The following TMSB15B variants were observed in gnomAD, a reference collection of about 807,000 sequenced individuals.
TMSB15B encodes the protein thymosin beta-15B.
intron 1 of TMSB15B, among the ~76,000 whole-genome samples, chrX:103,939,506 A>C (rs1370677826): frequency 2.0e-4 from 22 of 110,370 alleles, no homozygotes; most frequent in Non-Finnish European, 9.4e-5. Context: ...AAGCTCCATC[A>C]GGTCATTTAT....
At chrX:103,934,268 A>G (rs1360863391) in intron 1 of TMSB15B, among the ~76,000 whole-genome samples, 2 of 110,309 alleles carry the variant, frequency 1.8e-5, no homozygotes, top group Non-Finnish European at 3.8e-5. Flanking sequence ...GGATTATTTC[A>G]CTTCACATTT....
chrX:103,940,616 G>A (rs1354593273), intron 1 of TMSB15B, among the ~76,000 whole-genome samples: 1 of 111,287 alleles, frequency 9.0e-6, no homozygotes, highest in Non-Finnish European at 1.9e-5. Context: ...GGGATCCGCT[G>A]AGCAAGACCA....
At chrX:103,929,161 T>C in intron 1 of TMSB15B, 1 of 423,841 alleles carries the variant, frequency 2.4e-6, no homozygotes, top group Non-Finnish European at 3.9e-6. Flanking sequence ...AGTTCCCAAC[T>C]ACCAACCTGT....
rs1569448700 is a variant in TMSB15B at position 103,940,249 on chromosome X, C to T, written c.-721+20957C>T. Among the ~76,000 whole-genome samples, 4 of 112,254 alleles carry T rather than the reference C, an allele frequency of 3.6e-5. No individual in the cohort carries two copies. The Admixed American group carries it at 3.8e-4, about 11-fold the overall frequency. On this transcript the variant is annotated intron_variant, in intron 1 of 3. Transcript: ENST00000419165. ...GGAATGTTAAAGTCTGCTGAAACTG[C>T]GCCCACAGCCGCCCCTTCTCCCAGG...
chrX:103,920,421 G>C (rs5945722), intron 1 of TMSB15B, among the ~76,000 whole-genome samples: 35,877 of 111,211 alleles, frequency 0.32, 5,109 homozygotes, highest in Middle Eastern at 0.55. Flanking sequence ...GGTGTAGAGA[G>C]ATTCGTGAAC....
intron 1 of TMSB15B, among the ~76,000 whole-genome samples, chrX:103,923,625 G>A (rs1219773626): frequency 8.9e-6 from 1 of 111,857 alleles, no homozygotes; most frequent in Non-Finnish European, 1.9e-5. Flanking sequence ...ATAGTTTGAA[G>A]TCAGGTAGCG....
chrX:103,926,080 G>A (rs1342520277), intron 1 of TMSB15B, among the ~76,000 whole-genome samples: 1 of 110,780 alleles, frequency 9.0e-6, no homozygotes, highest in Non-Finnish European at 1.9e-5. Context: ...TGGGCCTCTT[G>A]AGCTTTTACT....
intron 1 of TMSB15B, among the ~76,000 whole-genome samples, chrX:103,919,867 A>C (rs782505220): frequency 4.5e-5 from 5 of 111,744 alleles, no homozygotes; most frequent in Non-Finnish European, 9.4e-5. Context: ...TCTAGATGCT[A>C]ATTGTTTGCC....
intron 1 of TMSB15B, among the ~76,000 whole-genome samples, chrX:103,926,593 G>A (rs782716845): frequency 1.5e-4 from 17 of 110,337 alleles, no homozygotes; most frequent in Non-Finnish European, 3.2e-4. Context: ...GCTAATGGGA[G>A]TGATTCTGGA....
At position 103,928,258 on chromosome X, in the gene TMSB15B, G is replaced by C. The variant is rs2074974666; in HGVS notation, c.-721+8966G>C. 6 of 1,206,501 alleles carry C rather than the reference G, an allele frequency of 5.0e-6. No homozygotes were observed. In the East Asian group the frequency reaches 1.8e-4, roughly 36 times the overall value. On this transcript the variant is annotated intron_variant, in intron 1 of 3. Transcript: ENST00000419165. The stretch of plus-strand genomic sequence containing the variant: ...TTCCTATCTATAAGGTTGTGTTTCG[G>C]CAACAGATCCATGCCATGGCAGTGT...
At chrX:103,943,970 A>G (rs1218482679) in intron 1 of TMSB15B, among the ~76,000 whole-genome samples, 1 of 111,930 alleles carries the variant, frequency 8.9e-6, no homozygotes, top group East Asian at 2.8e-4. Flanking sequence ...CAGAATTATA[A>G]TATTAGATTT....
At chrX:103,948,813 C>A (rs1556327812) in intron 1 of TMSB15B, among the ~76,000 whole-genome samples, 1 of 112,206 alleles carries the variant, frequency 8.9e-6, no homozygotes, top group Non-Finnish European at 1.9e-5. Flanking sequence ...GATCAGTGAA[C>A]AAAGCAGAGA....
At chrX:103,919,506 A>G in intron 1 of TMSB15B, 1 of 113,792 alleles carries the variant, frequency 8.8e-6, no homozygotes, top group Non-Finnish European at 1.9e-5. Flanking sequence ...TCTTCTCAGC[A>G]GCCCTGTGAA....
intron 1 of TMSB15B, among the ~76,000 whole-genome samples, chrX:103,946,681 T>A (rs781995970): frequency 3.7e-4 from 41 of 111,504 alleles, no homozygotes; most frequent in Non-Finnish European, 7.4e-4. Flanking sequence ...AATAATTTAA[T>A]AAATGTGATT....
At chrX:103,921,068 C>T (rs1275776376) in intron 1 of TMSB15B, among the ~76,000 whole-genome samples, 1 of 112,471 alleles carries the variant, frequency 8.9e-6, no homozygotes, top group African/African-American at 3.2e-5. Flanking sequence ...TCATCTTCAG[C>T]CTGCCAAGGC....
At chrX:103,941,421 G>T (rs2075012502) in intron 1 of TMSB15B, among the ~76,000 whole-genome samples, 1 of 111,104 alleles carries the variant, frequency 9.0e-6, no homozygotes, top group South Asian at 3.8e-4. Flanking sequence ...GTTTTTTGAA[G>T]AACACCCATA....
intron 1 of TMSB15B, among the ~76,000 whole-genome samples, chrX:103,925,901 T>A (rs1283556424): frequency 8.9e-6 from 1 of 111,738 alleles, no homozygotes; most frequent in African/African-American, 3.3e-5. Context: ...TGTACTTATT[T>A]AGGTGCAGGT....
intron 1 of TMSB15B, among the ~76,000 whole-genome samples, chrX:103,927,505 G>A (rs2074971672): frequency 9.0e-6 from 1 of 111,679 alleles, no homozygotes; most frequent in African/African-American, 3.3e-5. Flanking sequence ...GCTGGAGGGG[G>A]ACTGGGCATA....
intron 1 of TMSB15B, among the ~76,000 whole-genome samples, chrX:103,945,979 G>A (rs1430862638): frequency 1.8e-5 from 2 of 112,256 alleles, no homozygotes; most frequent in Non-Finnish European, 3.8e-5. Context: ...AGAAAGTGGA[G>A]GAATATTCTT....
Sources: allele counts gnomAD v4.1 joint callset (sites outside exome capture counted in the v4.1 genomes callset), GRCh38; gene constraint gnomAD v4.1.1; transcripts MANE v1.5; gene names NCBI Gene and HGNC (gene_info 2026-07-23, HGNC 2026-07-21).